Variants in DLG2 observed in about 807,000 individuals in gnomAD.
DLG2 encodes the protein disks large homolog 2.
DLG2 carries 45 observed loss-of-function variants against 132.5 expected under a neutral mutation model. That is an observed-to-expected ratio of 0.34 (90% confidence interval 0.27 to 0.44). The LOEUF (loss-of-function observed/expected upper bound fraction) is 0.44, where lower values mean the gene tolerates loss of function less well. DLG2 is among the 20% of genes least tolerant of loss of function. The pLI, the probability that DLG2 is intolerant of heterozygous loss-of-function variation, is 1.00. For synonymous variants in DLG2, 424 were observed against 419.6 expected (o/e 1.01, Z -0.13); for missense variants, 1,045 against 1,196.9 (o/e 0.87, Z 1.87).
chr11:85,125,806 TACACACACACACACACAC>T (rs71465021), intron 5 of DLG2, among the ~76,000 whole-genome samples: 66 of 148,636 alleles, frequency 4.4e-4, no homozygotes, highest in African/African-American at 1.5e-3. Context: ...CCAGACATTA[TACACACACACACACACAC>T]ACACACACAC....
intron 19 of DLG2, among the ~76,000 whole-genome samples, chr11:83,577,427 G>T (rs1408276520): frequency 1.4e-5 from 2 of 140,508 alleles, no homozygotes; most frequent in African/African-American, 2.7e-5. Context: ...TAATAGGATA[G>T]ATATATAATA....
intron 6 of DLG2, among the ~76,000 whole-genome samples, chr11:84,653,091 G>A (rs1565568162): frequency 2.0e-5 from 3 of 152,036 alleles, no homozygotes; most frequent in South Asian, 4.2e-4. Context: ...CATCACGCCC[G>A]GATAATTTTT....
At chr11:84,558,736 C>T (rs1011135416) in intron 6 of DLG2, among the ~76,000 whole-genome samples, 5 of 152,182 alleles carry the variant, frequency 3.3e-5, no homozygotes, top group African/African-American at 4.8e-5. Flanking sequence ...AGTCCACCTA[C>T]GCCAAATTCC....
intron 5 of DLG2, among the ~76,000 whole-genome samples, chr11:85,154,041 A>G (rs1416753032): frequency 1.3e-5 from 2 of 151,862 alleles, no homozygotes; most frequent in Admixed American, 1.3e-4. Flanking sequence ...CAAAAATACA[A>G]ATATCCTTGC....
At chr11:84,769,787 C>CAG (rs2068983469) in intron 6 of DLG2, among the ~76,000 whole-genome samples, 2 of 152,150 alleles carry the variant, frequency 1.3e-5, no homozygotes, top group Non-Finnish European at 2.9e-5. Flanking sequence ...GATTTCTCAC[C>CAG]AGAAACCTTA....
intron 4 of DLG2, among the ~76,000 whole-genome samples, chr11:85,206,553 C>G (rs1209879383): frequency 6.6e-6 from 1 of 152,068 alleles, no homozygotes; most frequent in African/African-American, 2.4e-5. Context: ...TAAAGGTTTG[C>G]TTTATTTTAT....
chr11:83,825,555 C>T (rs1050758112), intron 17 of DLG2, among the ~76,000 whole-genome samples: 4 of 152,030 alleles, frequency 2.6e-5, no homozygotes, highest in African/African-American at 4.8e-5. Flanking sequence ...GTTTAAGTGA[C>T]GCTTGGGGCA....
At chr11:84,689,989 C>T (rs956962443) in intron 6 of DLG2, among the ~76,000 whole-genome samples, 48 of 151,944 alleles carry the variant, frequency 3.2e-4, no homozygotes, top group Admixed American at 9.2e-4. Context: ...GGACATTATG[C>T]TAAGTAAAAT....
At chr11:85,023,553 G>C (rs2060256230) in intron 6 of DLG2, among the ~76,000 whole-genome samples, 1 of 151,930 alleles carries the variant, frequency 6.6e-6, no homozygotes, top group African/African-American at 2.4e-5. Context: ...TAGAGCACAA[G>C]ATAATAGAGA....
intron 4 of DLG2, among the ~76,000 whole-genome samples, chr11:85,245,328 C>T (rs1388484550): frequency 6.6e-6 from 1 of 151,958 alleles, no homozygotes; most frequent in Non-Finnish European, 1.5e-5. Context: ...CTGCTTACAG[C>T]CTCCTTCACT....
intron 4 of DLG2, among the ~76,000 whole-genome samples, chr11:85,230,875 G>A: frequency 6.6e-6 from 1 of 151,940 alleles, no homozygotes; most frequent in South Asian, 2.1e-4. Flanking sequence ...GTCCCATTTT[G>A]CCCTTTTGAC....
intron 6 of DLG2, among the ~76,000 whole-genome samples, chr11:85,072,007 T>G (rs145373106): frequency 5.2e-4 from 79 of 151,964 alleles, no homozygotes; most frequent in African/African-American, 1.9e-3. Flanking sequence ...AGAACGCATT[T>G]AATCTTAGCA....
intron 6 of DLG2, among the ~76,000 whole-genome samples, chr11:84,626,267 G>C (rs2099622337): frequency 6.6e-6 from 1 of 152,156 alleles, no homozygotes. Flanking sequence ...TCTGTGAGGA[G>C]CCCTTATCTC....
At chr11:84,979,074 G>A (rs531441033) in intron 6 of DLG2, among the ~76,000 whole-genome samples, 1 of 152,242 alleles carries the variant, frequency 6.6e-6, no homozygotes, top group East Asian at 1.9e-4. Flanking sequence ...CATCATCACT[G>A]GGTATCAGAG....
intron 6 of DLG2, among the ~76,000 whole-genome samples, chr11:85,095,962 A>G (rs1352093771): frequency 6.6e-6 from 1 of 152,160 alleles, no homozygotes; most frequent in Non-Finnish European, 1.5e-5. Context: ...GACTTGGAGA[A>G]CCTTCGTGTC....
intron 5 of DLG2, among the ~76,000 whole-genome samples, chr11:85,152,800 C>T (rs1272647187): frequency 1.3e-5 from 2 of 152,180 alleles, no homozygotes; most frequent in Admixed American, 1.3e-4. Flanking sequence ...TGTGTTTCTA[C>T]CTTGTTACCT....
In DLG2 at chr11:84,756,745, T is replaced by C. The variant is rs2066930599; in HGVS notation, c.358-222014A>G. Among the ~76,000 whole-genome samples, 6 of 152,324 alleles carry C rather than the reference T, an allele frequency of 3.9e-5. No homozygotes were observed. In the South Asian group the frequency reaches 1.2e-3, roughly 32 times the overall value. Reference sequence around the variant, plus strand: ...CTTTCTTAAAATATAATGAGATTTTTTTGTGATTTTTTTTAATTTTTGTTT... The same window carrying C: ...CTTTCTTAAAATATAATGAGATTTTCTTGTGATTTTTTTTAATTTTTGTTT... On this transcript the variant is annotated intron_variant, in intron 6 of 27. Coordinates refer to ENST00000376104, the MANE Select transcript of DLG2 (RefSeq NM_001142699.3).
At chr11:85,052,965 C>G (rs79760933) in intron 6 of DLG2, among the ~76,000 whole-genome samples, 3 of 152,178 alleles carry the variant, frequency 2.0e-5, no homozygotes, top group East Asian at 1.9e-4. Flanking sequence ...CTACTCTATA[C>G]GCTACTTGCC....
intron 7 of DLG2, among the ~76,000 whole-genome samples, chr11:84,343,369 G>A (rs969808675): frequency 1.3e-5 from 2 of 152,142 alleles, no homozygotes; most frequent in Non-Finnish European, 2.9e-5. Flanking sequence ...CCCAACCTAA[G>A]GGAAAAGCCC....
Sources: allele counts gnomAD v4.1 joint callset (sites outside exome capture counted in the v4.1 genomes callset), GRCh38; gene constraint gnomAD v4.1.1; transcripts MANE v1.5; gene names NCBI Gene and HGNC (gene_info 2026-07-23, HGNC 2026-07-21).